The following CCDC179 variants were observed in gnomAD, a reference collection of about 807,000 sequenced individuals.
The protein encoded by CCDC179 is coiled-coil domain-containing protein 179.
A neutral mutation model predicts 12.0 loss-of-function variants in CCDC179; 17 were observed. That is an observed-to-expected ratio of 1.42 (90% CI 0.97 to 2.13). The LOEUF (loss-of-function observed/expected upper bound fraction) is 2.13, where lower values mean the gene tolerates loss of function less well. CCDC179 is among the 30% of genes most tolerant of loss of function. The pLI, the probability that CCDC179 is intolerant of heterozygous loss-of-function variation, is 0.00. For synonymous variants in CCDC179, 27 were observed against 26.4 expected (o/e 1.02, Z -0.07); for missense variants, 83 against 78.6 (o/e 1.06, Z -0.21).
intron 3 of CCDC179, among the ~76,000 whole-genome samples, chr11:22,855,796 T>G (rs1858516243): frequency 6.6e-6 from 1 of 151,360 alleles, no homozygotes; most frequent in African/African-American, 2.4e-5. Context: ...GATAAACTTT[T>G]GCCAGACTAA....
intron 3 of CCDC179, among the ~76,000 whole-genome samples, chr11:22,857,270 T>A (rs1858549730): frequency 6.6e-6 from 1 of 151,654 alleles, no homozygotes; most frequent in Non-Finnish European, 1.5e-5. Context: ...CTAGACTTAT[T>A]GTAAATCTAT....
At chr11:22,854,292 AT>A (rs1230226737) in intron 3 of CCDC179, among the ~76,000 whole-genome samples, 1 of 151,854 alleles carries the variant, frequency 6.6e-6, no homozygotes, top group African/African-American at 2.4e-5. Flanking sequence ...AGAAGGTAAA[AT>A]AAAATATTTT....
intron 1 of CCDC179, 71 bp from the exon 2 acceptor site, chr11:22,859,567 A>C: frequency 1.2e-6 from 1 of 866,222 alleles, no homozygotes; most frequent in Admixed American, 3.0e-5. Flanking sequence ...AATTATTATA[A>C]TAGGAAGCCT....
At chr11:22,850,974 A>T (rs57022744) in intron 3 of CCDC179, among the ~76,000 whole-genome samples, 1,908 of 6,420 alleles carry the variant, frequency 0.3, 332 homozygotes, top group East Asian at 0.6. Flanking sequence ...ATATATATAT[A>T]TATTTTTTTT....
rs750983287 is a variant in CCDC179, at chr11:22,847,471, G to C, written c.*39C>G. 2.2e-6 allele frequency: 3 copies of C among 1,361,770 alleles called. No individual in the cohort carries two copies. In the African/African-American group the frequency reaches 4.4e-5, roughly 20 times the overall value. 84.4% of individuals were successfully genotyped at this position (1,361,770 alleles called of 1,614,324 possible). A position where few individuals can be genotyped will look rare whatever the true frequency, so the allele number is the denominator to read the frequency against. ...TGATGTTCACAATCCACATATTTCT[G>C]TCTGGAGCATGGTTTCCTTCAAATA... On this transcript the variant is annotated 3_prime_UTR_variant, in exon 4 of 4. Transcript: ENST00000532798.
intron 1 of CCDC179, among the ~76,000 whole-genome samples, chr11:22,859,928 A>T (rs1858622892): frequency 6.6e-6 from 1 of 152,222 alleles, no homozygotes; most frequent in African/African-American, 2.4e-5. Flanking sequence ...TTTCTGAAGC[A>T]CAGGGAGCTT....
At chr11:22,850,981 T>TACA (rs1858384792) in intron 3 of CCDC179, among the ~76,000 whole-genome samples, 1 of 45,122 alleles carries the variant, frequency 2.2e-5, no homozygotes, top group African/African-American at 6.5e-5. Flanking sequence ...TATATATTTT[T>TACA]TTTTTTTTTT....
intron 2 of CCDC179, among the ~76,000 whole-genome samples, chr11:22,858,433 G>A (rs1858581497): frequency 6.6e-6 from 1 of 151,908 alleles, no homozygotes; most frequent in Admixed American, 6.6e-5. Context: ...AGCTTTTTAT[G>A]CCACCATTGT....
At chr11:22,857,624 C>T (rs1388711144) in intron 3 of CCDC179, among the ~76,000 whole-genome samples, 1 of 151,522 alleles carries the variant, frequency 6.6e-6, no homozygotes, top group Admixed American at 6.6e-5. Flanking sequence ...AGATATATAG[C>T]CAAAAGATTT....
chr11:22,854,336 A>G (rs191026502), intron 3 of CCDC179, among the ~76,000 whole-genome samples: 206 of 151,996 alleles, frequency 1.4e-3, no homozygotes, highest in African/African-American at 4.9e-3. Flanking sequence ...CTAAGAAATA[A>G]TAATTTGTTC....
chr11:22,852,697 A>C (rs1215448762), intron 3 of CCDC179, among the ~76,000 whole-genome samples: 1 of 152,102 alleles, frequency 6.6e-6, no homozygotes, highest in Non-Finnish European at 1.5e-5. Flanking sequence ...TGCCCACAAA[A>C]CTATCCTTGA....
At chr11:22,852,605 T>G (rs1858434198) in intron 3 of CCDC179, among the ~76,000 whole-genome samples, 1 of 152,168 alleles carries the variant, frequency 6.6e-6, no homozygotes, top group Non-Finnish European at 1.5e-5. Flanking sequence ...CACCCAGAAG[T>G]GGACTCACCT....
chr11:22,856,958 A>G (rs1412144763), intron 3 of CCDC179, among the ~76,000 whole-genome samples: 1 of 151,700 alleles, frequency 6.6e-6, no homozygotes, highest in Non-Finnish European at 1.5e-5. Flanking sequence ...ACTTAGGCAT[A>G]AATCCAAGAA....
intron 3 of CCDC179, among the ~76,000 whole-genome samples, chr11:22,851,558 G>C (rs1202708444): frequency 6.6e-6 from 1 of 152,156 alleles, no homozygotes; most frequent in Non-Finnish European, 1.5e-5. Context: ...CATATAAAGA[G>C]CTTGCAAATT....
At chr11:22,849,295 G>A (rs1256542169) in intron 3 of CCDC179, among the ~76,000 whole-genome samples, 5 of 152,108 alleles carry the variant, frequency 3.3e-5, no homozygotes, top group Non-Finnish European at 7.4e-5. Context: ...CAGAATTTTT[G>A]TATCAATGCA....
At chr11:22,859,307 A>T in intron 2 of CCDC179, 145 bp downstream of exon 2, 1 of 420,984 alleles carries the variant, frequency 2.4e-6, no homozygotes, top group Non-Finnish European at 4.1e-6. Context: ...TTCCAATAGT[A>T]GTCATTAGAT....
chr11:22,849,828 A>G (rs536016623), intron 3 of CCDC179, among the ~76,000 whole-genome samples: 2 of 152,242 alleles, frequency 1.3e-5, no homozygotes, highest in South Asian at 4.2e-4. Flanking sequence ...TAGGACACGG[A>G]CACACATGAG....
intron 1 of CCDC179, 75 bp from the exon 2 acceptor site, chr11:22,859,571 G>A: frequency 2.5e-6 from 2 of 813,776 alleles, no homozygotes; most frequent in South Asian, 3.0e-5. Flanking sequence ...ATTATAATAG[G>A]AAGCCTATGC....
intron 3 of CCDC179, among the ~76,000 whole-genome samples, chr11:22,848,460 A>T (rs1010836725): frequency 1.3e-5 from 2 of 152,064 alleles, no homozygotes; most frequent in African/African-American, 4.8e-5. Context: ...AAAAAAAAAA[A>T]GTTTACAGAC....
Sources: allele counts gnomAD v4.1 joint callset (sites outside exome capture counted in the v4.1 genomes callset), GRCh38; gene constraint gnomAD v4.1.1; transcripts MANE v1.5; gene names NCBI Gene and HGNC (gene_info 2026-07-23, HGNC 2026-07-21).